Variants in NAALADL2 observed in about 807,000 individuals in gnomAD.
NAALADL2 encodes the protein inactive N-acetylated-alpha-linked acidic dipeptidase-like protein 2.
NAALADL2 carries 76 observed loss-of-function variants against 87.2 expected under a neutral mutation model. The observed-to-expected ratio is 0.87, with a 90% CI of 0.72 to 1.05. NAALADL2 has a LOEUF of 1.05. Ranked by LOEUF, NAALADL2 falls within the 50% of genes least tolerant of loss-of-function variation. The pLI is 0.00. For missense variants in NAALADL2, 1,089 were observed against 945.8 expected (o/e 1.15, Z -1.99); for synonymous variants, 354 against 331.0 (o/e 1.07, Z -0.75).
At chr3:175,438,849 A>C (rs919534390) in intron 5 of NAALADL2, among the ~76,000 whole-genome samples, 2 of 151,928 alleles carry the variant, frequency 1.3e-5, no homozygotes, top group African/African-American at 4.8e-5. Flanking sequence ...TTATGTATTT[A>C]TGTATTTATT....
At chr3:174,541,965 C>G (rs939378033) in intron 1 of NAALADL2, among the ~76,000 whole-genome samples, 1 of 152,118 alleles carries the variant, frequency 6.6e-6, no homozygotes, top group East Asian at 1.9e-4. Context: ...GCAGGGCTAA[C>G]CCATAGGCAG....
intron 1 of NAALADL2, among the ~76,000 whole-genome samples, chr3:174,912,831 T>G (rs1487462838): frequency 6.6e-6 from 1 of 152,190 alleles, no homozygotes. Context: ...TAATCTCTCA[T>G]CATTTTGCTG....
intron 1 of NAALADL2, among the ~76,000 whole-genome samples, chr3:174,542,652 G>T (rs932894391): frequency 6.6e-6 from 1 of 152,132 alleles, no homozygotes; most frequent in East Asian, 1.9e-4. Flanking sequence ...CCAGAAAGTT[G>T]GGGTCAATTC....
At chr3:175,292,214 C>T (rs1218695130) in intron 4 of NAALADL2, among the ~76,000 whole-genome samples, 1 of 152,110 alleles carries the variant, frequency 6.6e-6, no homozygotes, top group Non-Finnish European at 1.5e-5. Flanking sequence ...CAAATTCTTA[C>T]ATGAATTTAA....
At chr3:174,485,453 C>G (rs1203142601) in intron 1 of NAALADL2, among the ~76,000 whole-genome samples, 1 of 151,746 alleles carries the variant, frequency 6.6e-6, no homozygotes, top group East Asian at 1.9e-4. Context: ...CCACCCACCC[C>G]CCTCTCTCTG....
intron 3 of NAALADL2, among the ~76,000 whole-genome samples, chr3:174,816,233 C>G (rs1032823558): frequency 1.4e-4 from 22 of 151,864 alleles, no homozygotes; most frequent in African/African-American, 5.1e-4. Context: ...TCTCCTCCTC[C>G]TCTGCCTTCT....
In NAALADL2 at chr3:175,372,174, C is replaced by T. The variant is rs1766590713; in HGVS notation, c.1090+47849C>T. Among the ~76,000 whole-genome samples, 3 of 152,152 alleles carry T rather than the reference C, an allele frequency of 2.0e-5. No homozygotes were observed. The South Asian group carries it at 6.2e-4, about 32-fold the overall frequency. ...TTGCCCTGCAGACTTTACTGAACTGCTAGTACAGGAGTCGCTATGTTTTTA... is the reference window on the plus strand; with the variant it reads ...TTGCCCTGCAGACTTTACTGAACTGTTAGTACAGGAGTCGCTATGTTTTTA... On this transcript the variant is annotated intron_variant, in intron 5 of 13. Transcript: ENST00000454872.
chr3:175,411,787 G>A (rs1036278960), intron 5 of NAALADL2, among the ~76,000 whole-genome samples: 11 of 151,962 alleles, frequency 7.2e-5, no homozygotes, highest in African/African-American at 1.4e-4. Flanking sequence ...AAACAATTAC[G>A]TTGTATCACT....
At chr3:174,822,488 A>C (rs892917978) in intron 3 of NAALADL2, among the ~76,000 whole-genome samples, 4 of 152,182 alleles carry the variant, frequency 2.6e-5, no homozygotes, top group Non-Finnish European at 4.4e-5. Flanking sequence ...AGACATTGGT[A>C]ATTTCTGCCC....
chr3:174,470,948 A>G (rs1338754919), intron 1 of NAALADL2, among the ~76,000 whole-genome samples: 1 of 152,120 alleles, frequency 6.6e-6, no homozygotes, highest in Non-Finnish European at 1.5e-5. Context: ...GCTATTATAA[A>G]TAAGTCAGAG....
At chr3:175,282,750 A>G (rs1220791263) in intron 4 of NAALADL2, among the ~76,000 whole-genome samples, 2 of 152,050 alleles carry the variant, frequency 1.3e-5, no homozygotes, top group Non-Finnish European at 2.9e-5. Flanking sequence ...TGGAGGGGGC[A>G]GGGATCATTA....
At chr3:174,497,960 G>A (rs1211898145) in intron 1 of NAALADL2, among the ~76,000 whole-genome samples, 3 of 152,052 alleles carry the variant, frequency 2.0e-5, no homozygotes, top group Admixed American at 6.6e-5. Flanking sequence ...ATAGTTAAAT[G>A]GTTCAAGTGA....
intron 1 of NAALADL2, among the ~76,000 whole-genome samples, chr3:175,080,324 C>T (rs1469508670): frequency 6.6e-6 from 1 of 152,204 alleles, no homozygotes; most frequent in Non-Finnish European, 1.5e-5. Flanking sequence ...TCTTAGTTAA[C>T]ATAACTTATT....
intron 9 of NAALADL2, among the ~76,000 whole-genome samples, chr3:175,555,936 GCCTCTTAATT>G: frequency 6.6e-6 from 1 of 152,294 alleles, no homozygotes; most frequent in East Asian, 1.9e-4. Context: ...AAATGAAAAA[GCCTCTTAATT>G]CCTCTTAATT....
intron 2 of NAALADL2, among the ~76,000 whole-genome samples, chr3:175,145,569 TTAAAGA>T (rs149041823): frequency 0.012 from 1,784 of 152,200 alleles, 17 homozygotes; most frequent in Middle Eastern, 0.065. Context: ...GAATTTGGGC[TTAAAGA>T]TAAAGCTGTT....
chr3:175,790,878 T>C (rs1752698142), intron 13 of NAALADL2, among the ~76,000 whole-genome samples: 3 of 152,200 alleles, frequency 2.0e-5, no homozygotes, highest in Non-Finnish European at 4.4e-5. Flanking sequence ...ATTTTGTATA[T>C]AATTACACAT....
intron 2 of NAALADL2, among the ~76,000 whole-genome samples, chr3:175,109,418 T>C (rs1216319273): frequency 6.6e-6 from 1 of 151,792 alleles, no homozygotes; most frequent in Non-Finnish European, 1.5e-5. Flanking sequence ...GTGAATAAAA[T>C]ATGCAAGATA....
intron 1 of NAALADL2, among the ~76,000 whole-genome samples, chr3:175,076,412 C>A (rs746224422): frequency 2.0e-5 from 3 of 149,196 alleles, no homozygotes; most frequent in Non-Finnish European, 4.4e-5. Context: ...CAGATATGCT[C>A]GATTTTAAAA....
Position 175,083,327 on chromosome 3 carries a change from C to T in NAALADL2, c.44-13463C>T, listed in dbSNP as rs139095694. On this transcript the variant is annotated intron_variant, in intron 1 of 13. Transcript: ENST00000454872. ...AGCACTCATGATGCATATTTATCTCCCAACATCTGCAGTGTTCAGAATTTG... is the reference window on the plus strand; with the variant it reads ...AGCACTCATGATGCATATTTATCTCTCAACATCTGCAGTGTTCAGAATTTG... 3.9e-5 allele frequency among the ~76,000 whole-genome samples: 6 copies of T among 152,242 alleles called. No homozygotes were observed. In the East Asian group the frequency reaches 1.2e-3, roughly 29 times the overall value.
Sources: gnomAD v4.1 joint callset for allele counts (sites outside exome capture counted in the v4.1 genomes callset) on GRCh38, gnomAD v4.1.1 for gene constraint, MANE v1.5 for transcripts, NCBI Gene and HGNC (gene_info 2026-07-23, HGNC 2026-07-21) for gene names.